Variants in STX3 observed in about 807,000 individuals in gnomAD.
The protein encoded by STX3 is syntaxin-3.
Under a neutral mutation model 40.2 loss-of-function variants are expected in STX3, and 19 were observed. The ratio of observed to expected loss-of-function variants is 0.47; its 90% CI spans 0.33 to 0.69. STX3 has a LOEUF of 0.69. Ranked by LOEUF, STX3 falls within the 30% of genes least tolerant of loss-of-function variation. The pLI is 0.02. For synonymous variants in STX3, 122 were observed against 132.2 expected, an observed-to-expected ratio of 0.92 and a Z score of 0.53; for missense variants, 364 against 366.7, an observed-to-expected ratio of 0.99 and a Z score of 0.06.
At chr11:59,781,240 A>G (rs1372001816) in intron 2 of STX3, 1 of 1,028,554 alleles carries the variant, frequency 9.7e-7, no homozygotes, top group Non-Finnish European at 1.5e-6. Flanking sequence ...AAGAAACAGT[A>G]TGGAGATTTG....
At chr11:59,792,389 C>T (rs1335058728) in intron 6 of STX3, among the ~76,000 whole-genome samples, 174 bp downstream of exon 6, 2 of 152,180 alleles carry the variant, frequency 1.3e-5, no homozygotes, top group African/African-American at 4.8e-5. Context: ...AAAGGTGACA[C>T]CGTGTTTATC....
chr11:59,757,321 C>T (rs576126525), intron 1 of STX3, among the ~76,000 whole-genome samples: 1 of 152,122 alleles, frequency 6.6e-6, no homozygotes, highest in South Asian at 2.1e-4. Flanking sequence ...TGTCGGCACA[C>T]CCAGCAACCA....
In STX3 at chr11:59,783,505, T is replaced by G. The variant is rs548793853; in HGVS notation, c.115-3532T>G. Among the ~76,000 whole-genome samples, 5 of 152,332 alleles carry G rather than the reference T, an allele frequency of 3.3e-5. No homozygotes were observed. The South Asian group carries it at 1.0e-3, about 32-fold the overall frequency. On this transcript the variant is annotated intron_variant, in intron 2 of 10. Transcript: ENST00000337979. The stretch of plus-strand genomic sequence containing the variant: ...TAGCATCATTTCTGATACAAGAATA[T>G]GTTTAGTCAATTTTAGTTCTTAAAT...
At chr11:59,785,114 A>G (rs1238711013) in intron 2 of STX3, among the ~76,000 whole-genome samples, 2 of 152,142 alleles carry the variant, frequency 1.3e-5, no homozygotes, top group Non-Finnish European at 2.9e-5. Flanking sequence ...CTTCACAAAT[A>G]TTTGGGTAGT....
chr11:59,800,465 A>G lies in STX3; in HGVS notation c.*31-390A>G, dbSNP rs1865822068. 4 of 985,204 alleles carry G rather than the reference A, an allele frequency of 4.1e-6. No homozygotes were observed. In the South Asian group the frequency reaches 1.4e-4, roughly 35 times the overall value. The allele number at this position is 985,204 out of a possible 1,614,324, so 61.0% of individuals were successfully genotyped here. On this transcript the variant is annotated intron_variant, in intron 10 of 10. Transcript: ENST00000337979. ...TTTCATTGTGTCCTTCTGTTTTCTA[A>G]AAGAAAGGCAGCAGGGAGTTCATGA...
intron 3 of STX3, among the ~76,000 whole-genome samples, 162 bp from the exon 4 acceptor site, chr11:59,788,711 C>T (rs1323990301): frequency 3.3e-5 from 5 of 152,086 alleles, no homozygotes; most frequent in Non-Finnish European, 7.4e-5. Flanking sequence ...AATAAGCACT[C>T]TGTGATTCTA....
At chr11:59,767,271 C>T (rs775498157) in intron 1 of STX3, among the ~76,000 whole-genome samples, 11 of 152,030 alleles carry the variant, frequency 7.2e-5, no homozygotes, top group East Asian at 1.9e-4. Context: ...TCTCCTTGGG[C>T]GAGAGGCATC....
At chr11:59,795,771 C>A in intron 9 of STX3, 1 of 1,406,174 alleles carries the variant, frequency 7.1e-7, no homozygotes, top group Non-Finnish European at 9.7e-7. Context: ...ATCTCTTCTC[C>A]CTGGCCACCC....
chr11:59,761,158 C>T (rs1863014047), intron 1 of STX3, among the ~76,000 whole-genome samples: 1 of 152,208 alleles, frequency 6.6e-6, no homozygotes, highest in African/African-American at 2.4e-5. Context: ...CTCCTAACTA[C>T]ACCTAAACAC....
chr11:59,766,033 T>C (rs1321094235), intron 1 of STX3, among the ~76,000 whole-genome samples: 1 of 152,152 alleles, frequency 6.6e-6, no homozygotes, highest in Non-Finnish European at 1.5e-5. Context: ...CTGTGGGAAG[T>C]TAAGGACCAG....
chr11:59,755,085 G>T (rs1279624478), upstream of STX3: 2 of 152,708 alleles, frequency 1.3e-5, no homozygotes, highest in East Asian at 3.8e-4. Flanking sequence ...GCAAGGAGTC[G>T]GCTAAGAACT....
At chr11:59,793,223 C>T (rs749954157) in intron 7 of STX3, 51 bp downstream of exon 7, 1 of 1,607,264 alleles carries the variant, frequency 6.2e-7, no homozygotes, top group South Asian at 1.1e-5. Context: ...AGCAGGGAGG[C>T]CACTGCGGAG....
intron 2 of STX3, among the ~76,000 whole-genome samples, chr11:59,774,745 C>T (rs539281232): frequency 4.6e-5 from 7 of 152,196 alleles, no homozygotes; most frequent in Admixed American, 6.5e-5. Flanking sequence ...GCAGGAGAAT[C>T]GCTTGAACCC....
At chr11:59,766,087 C>T (rs2134886403) in intron 1 of STX3, among the ~76,000 whole-genome samples, 1 of 152,292 alleles carries the variant, frequency 6.6e-6, no homozygotes, top group South Asian at 2.1e-4. Context: ...CAGAAACTTT[C>T]CTGGGGGCTC....
chr11:59,767,387 G>A (rs888302710), intron 1 of STX3, among the ~76,000 whole-genome samples: 3 of 152,200 alleles, frequency 2.0e-5, no homozygotes, highest in Admixed American at 1.3e-4. Flanking sequence ...TACCAGATAT[G>A]TTGATTCTTT....
intron 5 of STX3, 79 bp from the exon 6 acceptor site, chr11:59,792,028 G>C (rs1374136896): frequency 9.9e-6 from 11 of 1,116,166 alleles, no homozygotes; most frequent in Non-Finnish European, 1.5e-5. Flanking sequence ...TATTGTAGAT[G>C]GCTATGTGGG....
At chr11:59,786,041 TACTC>T (rs1379499445) in intron 2 of STX3, among the ~76,000 whole-genome samples, 2 of 152,124 alleles carry the variant, frequency 1.3e-5, no homozygotes, top group Admixed American at 6.5e-5. Flanking sequence ...TATTTTATGA[TACTC>T]ACAGCCTTGT....
At position 59,802,813 on chromosome 11, in the gene STX3, T is replaced by G; in HGVS notation, c.*1989T>G. On this transcript the variant is annotated 3_prime_UTR_variant, in exon 11 of 11. Transcript: ENST00000337979. ...GTTCACACCTTTTTAAGCCATGTGC[T>G]GGATCAGATGGTTCAAAAGTGCAAT... The G allele has an allele frequency of 1.0e-6, 1 of 989,012 alleles. No homozygotes were observed. The highest frequency in any genetic ancestry group is 1.2e-6 in the Non-Finnish European group (1 of 832,438). 61.3% of individuals were successfully genotyped at this position (989,012 alleles called of 1,614,324 possible). A position where few individuals can be genotyped will look rare whatever the true frequency, so the allele number is the denominator to read the frequency against.
chr11:59,770,421 A>G (rs1023160667), intron 1 of STX3, among the ~76,000 whole-genome samples: 6 of 151,638 alleles, frequency 4.0e-5, no homozygotes, highest in Admixed American at 2.0e-4. Context: ...GGGTATATGT[A>G]TGTATACAGA....
Sources: allele counts gnomAD v4.1 joint callset (sites outside exome capture counted in the v4.1 genomes callset), GRCh38; gene constraint gnomAD v4.1.1; transcripts MANE v1.5; gene names NCBI Gene and HGNC (gene_info 2026-07-23, HGNC 2026-07-21).